EZH2: variants seen among roughly 807,000 people sequenced by gnomAD.
EZH2 encodes the protein enhancer of zeste 2 polycomb repressive complex 2 subunit, also known as histone-lysine N-methyltransferase EZH2.
In EZH2, 18 loss-of-function variants were observed where a neutral mutation model predicts 98.4. That is an observed-to-expected ratio of 0.18 (90% confidence interval 0.13 to 0.27). The LOEUF (loss-of-function observed/expected upper bound fraction) is 0.27. EZH2 is among the 10% of genes least tolerant of loss of function. The pLI, the probability that EZH2 is intolerant of heterozygous loss-of-function variation, is 1.00. For missense variants in EZH2, 470 were observed against 935.1 expected, an observed-to-expected ratio of 0.50 and a Z score of 6.49; for synonymous variants, 338 against 312.3, an observed-to-expected ratio of 1.08 and a Z score of -0.87.
chr7:148,843,747 T>C (rs898807736), intron 3 of EZH2, among the ~76,000 whole-genome samples: 40 of 151,630 alleles, frequency 2.6e-4, no homozygotes, highest in South Asian at 1.7e-3. Flanking sequence ...AGGCGCCCGC[T>C]ACCACGCCCG....
chr7:148,809,725 A>C (rs1437018726), intron 17 of EZH2, among the ~76,000 whole-genome samples: 1 of 152,236 alleles, frequency 6.6e-6, no homozygotes, highest in East Asian at 1.9e-4. Flanking sequence ...TTCACATTTA[A>C]AATTAGTTTT....
intron 4 of EZH2, among the ~76,000 whole-genome samples, chr7:148,832,153 A>C (rs1371596397): frequency 6.6e-6 from 1 of 152,178 alleles, no homozygotes; most frequent in Non-Finnish European, 1.5e-5. Flanking sequence ...CAATGGCACA[A>C]TCTCAGCTCA....
intron 1 of EZH2, 108 bp from the exon 2 acceptor site, chr7:148,847,413 T>C (rs1026920654): frequency 3.7e-6 from 5 of 1,359,040 alleles, no homozygotes; most frequent in Non-Finnish European, 4.1e-6. Flanking sequence ...ATGACACATA[T>C]TACACTGTTG....
chr7:148,807,710 A>AAACAACAGGAAGGAGATGT lies in EZH2; in HGVS notation c.2196-23_2196-5dup. On this transcript the variant is annotated splice_region_variant and splice_polypyrimidine_tract_variant and intron_variant, in intron 19 of 19. Coordinates refer to ENST00000320356, the MANE Select transcript of EZH2 (RefSeq NM_004456.5). The stretch of plus-strand genomic sequence containing the variant: ...CAGGGCATCAGCCTGGCTGTATCTG[A>AAACAACAGGAAGGAGATGT]AACAACAGGAAGGAGATGTCCGCTG... 6.3e-7 allele frequency: 1 copy of AAACAACAGGAAGGAGATGT among 1,587,664 alleles called. No homozygotes were observed. The highest frequency in any genetic ancestry group is 8.6e-7 in the Non-Finnish European group (1 of 1,165,698).
chr7:148,830,365 G>C (rs180790929), intron 4 of EZH2, among the ~76,000 whole-genome samples: 1 of 152,140 alleles, frequency 6.6e-6, no homozygotes, highest in Admixed American at 6.5e-5. Flanking sequence ...GATGTTAATA[G>C]AGGATGATGA....
chr7:148,829,958 G>A, intron 4 of EZH2, 110 bp from the exon 5 acceptor site: 1 of 702,518 alleles, frequency 1.4e-6, no homozygotes, highest in South Asian at 3.0e-5. Flanking sequence ...CAGTTCTCCA[G>A]ATTTAAAATA....
intron 8 of EZH2, among the ~76,000 whole-genome samples, chr7:148,823,302 C>T (rs947726220): frequency 1.3e-5 from 2 of 152,086 alleles, no homozygotes; most frequent in African/African-American, 4.8e-5. Flanking sequence ...GCTGTGGCAT[C>T]GTTACAGCAT....
chr7:148,847,928 T>C (rs1216862975), intron 1 of EZH2, among the ~76,000 whole-genome samples: 1 of 152,216 alleles, frequency 6.6e-6, no homozygotes, highest in East Asian at 1.9e-4. Context: ...AAAAGAGGAA[T>C]GCAGGAAATG....
intron 1 of EZH2, among the ~76,000 whole-genome samples, chr7:148,872,300 G>T (rs776481783): frequency 2.6e-5 from 4 of 152,184 alleles, no homozygotes; most frequent in Non-Finnish European, 5.9e-5. Context: ...CATGGAAACA[G>T]AAAGTAGAAA....
intron 1 of EZH2, among the ~76,000 whole-genome samples, chr7:148,864,554 G>A (rs1818156422): frequency 6.6e-6 from 1 of 151,892 alleles, no homozygotes; most frequent in South Asian, 2.1e-4. Flanking sequence ...GATGGCATGT[G>A]CCTATAGTCC....
intron 3 of EZH2, 151 bp downstream of exon 3, chr7:148,846,319 G>T: frequency 1.4e-6 from 1 of 723,228 alleles, no homozygotes; most frequent in Non-Finnish European, 2.2e-6. Flanking sequence ...GTGATCTACA[G>T]CAGTCATTAA....
chr7:148,843,495 C>G (rs1813033699), intron 3 of EZH2, among the ~76,000 whole-genome samples: 1 of 151,504 alleles, frequency 6.6e-6, no homozygotes. Context: ...AAACTTTTGT[C>G]CGACATTCTT....
In EZH2 at chr7:148,830,380, T is replaced by C. The variant is rs77385649; in HGVS notation, c.364-532A>G. On this transcript the variant is annotated intron_variant, in intron 4 of 19. Coordinates refer to ENST00000320356, the MANE Select transcript of EZH2 (RefSeq NM_004456.5). Reference sequence around the variant, plus strand: ...GATGTTAATAGAGGATGATGAAATATGGTGTATCAAGATCAACTATAAAGA... The same window carrying C: ...GATGTTAATAGAGGATGATGAAATACGGTGTATCAAGATCAACTATAAAGA... Among the ~76,000 whole-genome samples the C allele has an allele frequency of 2.5e-3, 376 of 152,304 alleles. 1 individual carries two copies. Among genetic ancestry groups the C allele is most frequent in the Non-Finnish European group, 4.4e-3 (300 of 68,018 alleles).
chr7:148,866,741 G>T (rs978227520), intron 1 of EZH2, among the ~76,000 whole-genome samples: 2 of 148,372 alleles, frequency 1.3e-5, no homozygotes, highest in African/African-American at 4.9e-5. Flanking sequence ...GTGAGACAGG[G>T]TCTCACTCTG....
Position 148,851,176 on chromosome 7 carries a change from T to C in EZH2, c.-7-3871A>G, listed in dbSNP as rs575708400. ...ATGAAAAGGAAGGGTGGCCTATCCA[T>C]GCTTGAGCCAAAAAATGAGGTAAAG... On this transcript the variant is annotated intron_variant, in intron 1 of 19. Transcript: ENST00000320356. Among the ~76,000 whole-genome samples the C allele has an allele frequency of 2.0e-5, 3 of 152,200 alleles. No homozygotes were observed. The East Asian group carries it at 5.8e-4, about 29-fold the overall frequency.
intron 1 of EZH2, among the ~76,000 whole-genome samples, chr7:148,863,751 A>C (rs1371831229): frequency 2.6e-5 from 4 of 152,232 alleles, no homozygotes; most frequent in African/African-American, 7.2e-5. Flanking sequence ...ACTGACCTGC[A>C]AAGTGCTAGA....
chr7:148,813,718 TG>T (rs1293195262), intron 15 of EZH2, among the ~76,000 whole-genome samples: 2 of 152,114 alleles, frequency 1.3e-5, no homozygotes, highest in Admixed American at 1.3e-4. Context: ...ATACCATGAA[TG>T]GCTACTTCTC....
chr7:148,846,933 C>T (rs973356309), intron 2 of EZH2, among the ~76,000 whole-genome samples: 1 of 148,250 alleles, frequency 6.7e-6, no homozygotes. Flanking sequence ...TCATGAAATG[C>T]ATCCCTTTAT....
At chr7:148,836,840 T>C (rs968895128) in intron 3 of EZH2, 3 of 500,364 alleles carry the variant, frequency 6.0e-6, no homozygotes, top group South Asian at 1.5e-5. Flanking sequence ...GCTGGTACAA[T>C]AGGCGACTGT....
Sources: gnomAD v4.1 joint callset for allele counts (sites outside exome capture counted in the v4.1 genomes callset) on GRCh38, gnomAD v4.1.1 for gene constraint, MANE v1.5 for transcripts, NCBI Gene and HGNC (gene_info 2026-07-23, HGNC 2026-07-21) for gene names.